Variants in MAPK9 observed in about 807,000 individuals in gnomAD.
The protein encoded by MAPK9 is mitogen-activated protein kinase 9, also known as Jun kinase.
Under a neutral mutation model 57.1 loss-of-function variants are expected in MAPK9, and 30 were observed. The observed-to-expected ratio is 0.53, with a 90% CI of 0.39 to 0.71. The LOEUF is 0.71. MAPK9 is among the 30% of genes least tolerant of loss of function. The pLI is 0.00. For missense variants in MAPK9, 362 were observed against 521.0 expected (o/e 0.69, Z 2.97); for synonymous variants, 155 against 177.0 (o/e 0.88, Z 0.99).
intron 9 of MAPK9, among the ~76,000 whole-genome samples, 197 bp downstream of exon 9, chr5:180,240,834 G>A (rs552504246): frequency 2.6e-5 from 4 of 152,326 alleles, no homozygotes; most frequent in Admixed American, 2.0e-4. Context: ...GTTCATTCCC[G>A]AGGTACTCTG....
intron 1 of MAPK9, among the ~76,000 whole-genome samples, chr5:180,287,789 C>T (rs1408710926): frequency 6.6e-6 from 1 of 152,174 alleles, no homozygotes; most frequent in African/African-American, 2.4e-5. Flanking sequence ...ATTTTTGCCA[C>T]CCTCCCAGTA....
chr5:180,288,430 G>A (rs1762958223), intron 1 of MAPK9, among the ~76,000 whole-genome samples: 1 of 152,164 alleles, frequency 6.6e-6, no homozygotes, highest in Admixed American at 6.5e-5. Context: ...TGGGGCAGCT[G>A]GAAATTTGAA....
In MAPK9 at chr5:180,248,954, C is replaced by G. The variant is rs748315386; in HGVS notation, c.616+19G>C. On this transcript the variant is annotated intron_variant, in intron 6 of 11. Transcript: ENST00000452135. ...AATTTCTAAACATCCCAGCCTCTTCCAGCCCCGGCTATACTCACCGTTCTC... is the reference window on the plus strand; with the variant it reads ...AATTTCTAAACATCCCAGCCTCTTCGAGCCCCGGCTATACTCACCGTTCTC... The G allele has an allele frequency of 4.4e-6, 7 of 1,576,286 alleles. 1 individual carries two copies. In the South Asian group the frequency reaches 8.1e-5, roughly 18 times the overall value.
At chr5:180,238,231 C>T (rs1246898130) in intron 11 of MAPK9, 101 bp downstream of exon 11, 10 of 842,938 alleles carry the variant, frequency 1.2e-5, no homozygotes, top group Non-Finnish European at 1.7e-5. Flanking sequence ...GATCGCGCCG[C>T]TGCTCTCCAG....
chr5:180,269,617 CCA>C lies in MAPK9; in HGVS notation c.123-210_123-209del, dbSNP rs1247965232. ...ACTCCTTTGCAGAGGCACATTTCAGCCACAGTTAAGATGGGGTTCAGCAATCC... is the reference window on the plus strand; with the variant it reads ...ACTCCTTTGCAGAGGCACATTTCAGCCAGTTAAGATGGGGTTCAGCAATCC... On this transcript the variant is annotated intron_variant, in intron 2 of 11. Transcript: ENST00000452135. 2.0e-5 allele frequency among the ~76,000 whole-genome samples: 3 copies of C among 152,174 alleles called. No individual in the cohort carries two copies. The East Asian group carries it at 5.8e-4, about 29-fold the overall frequency.
At chr5:180,257,582 C>T (rs772809631) in intron 5 of MAPK9, 3 of 152,178 alleles carry the variant, frequency 2.0e-5, no homozygotes, top group South Asian at 2.1e-4. Context: ...AGAAAAAATT[C>T]GGGCCAGGAG....
At chr5:180,278,335 T>C (rs1044523854) in intron 2 of MAPK9, among the ~76,000 whole-genome samples, 23 of 152,360 alleles carry the variant, frequency 1.5e-4, no homozygotes, top group Admixed American at 1.1e-3. Flanking sequence ...ATATACACTA[T>C]TCACATTACT....
At chr5:180,284,367 G>A (rs190451189) in intron 1 of MAPK9, among the ~76,000 whole-genome samples, 8 of 152,294 alleles carry the variant, frequency 5.3e-5, no homozygotes, top group African/African-American at 1.2e-4. Context: ...AGCAGCGCCC[G>A]CCAGGCTGCA....
intron 11 of MAPK9, chr5:180,237,849 G>A (rs1249860418): frequency 3.3e-5 from 5 of 152,368 alleles, no homozygotes; most frequent in East Asian, 1.9e-4. Context: ...AAGTTGAATC[G>A]GGAAAGACGC....
At chr5:180,272,424 T>C (rs1185367677) in intron 2 of MAPK9, among the ~76,000 whole-genome samples, 12 of 152,342 alleles carry the variant, frequency 7.9e-5, no homozygotes, top group Middle Eastern at 3.4e-3. Context: ...CCTTTGCTTC[T>C]TTTTTTGTTT....
At chr5:180,241,833 G>A (rs1263974599) in intron 8 of MAPK9, among the ~76,000 whole-genome samples, 1 of 152,204 alleles carries the variant, frequency 6.6e-6, no homozygotes, top group Middle Eastern at 3.2e-3. Context: ...CCAGAGTGTG[G>A]GCATGAGGCA....
intron 2 of MAPK9, among the ~76,000 whole-genome samples, chr5:180,274,046 T>G (rs1158451630): frequency 2.6e-5 from 4 of 152,226 alleles, no homozygotes; most frequent in African/African-American, 9.6e-5. Flanking sequence ...AAAAATGACC[T>G]TCATGGTATT....
At position 180,247,124 on chromosome 5, in the gene MAPK9, CAGAATATACTTATCAA is replaced by C. The variant is rs1196253192; in HGVS notation, c.688+299_688+314del. On this transcript the variant is annotated intron_variant, in intron 7 of 11. Transcript: ENST00000452135. The surrounding 1 kb of genome is among the most constrained non-coding windows in gnomAD (Gnocchi z 4.5). ...TAATACAGTATTTTCATTTAAATAT[CAGAATATACTTATCAA>C]AGAGTAAATAATTTCTTCTATGTGT... is the stretch of plus-strand genomic sequence containing the variant. The C allele has an allele frequency of 8.0e-6, 3 of 374,854 alleles. No homozygotes were observed. Among genetic ancestry groups the C allele is most frequent in the Non-Finnish European group, 1.4e-5 (3 of 210,422 alleles). The allele number at this position is 374,854 out of a possible 1,614,324, so 23.2% of individuals were successfully genotyped here. A position where few individuals can be genotyped will look rare whatever the true frequency, so the allele number is the denominator to read the frequency against.
At chr5:180,284,457 T>A (rs1326733187) in intron 1 of MAPK9, among the ~76,000 whole-genome samples, 1 of 152,240 alleles carries the variant, frequency 6.6e-6, no homozygotes, top group Admixed American at 6.5e-5. Context: ...ACAAGGAGGT[T>A]TCCTGGAGGA....
Position 180,247,426 on chromosome 5 carries a change from C to A in MAPK9, c.688+13G>T. ...AGAAAGCATGGCGGGGCCAAGGTCG[C>A]GGGGAAGGATACGGTCAGTGCCTTG... is the stretch of plus-strand genomic sequence containing the variant. On this transcript the variant is annotated intron_variant, in intron 7 of 11. Transcript: ENST00000452135. The surrounding 1 kb of genome is among the most constrained non-coding windows in gnomAD (Gnocchi z 4.5). The A allele has an allele frequency of 1.9e-6, 3 of 1,614,122 alleles. No individual in the cohort carries two copies. The highest frequency in any genetic ancestry group is 2.5e-6 in the Non-Finnish European group (3 of 1,180,034).
At chr5:180,239,812 C>T (rs959616049) in intron 10 of MAPK9, 112 bp downstream of exon 10, 33 of 972,416 alleles carry the variant, frequency 3.4e-5, no homozygotes, top group East Asian at 7.4e-5. Context: ...CTAAGTGGGT[C>T]GCAGGGTTTC....
intron 2 of MAPK9, among the ~76,000 whole-genome samples, chr5:180,270,457 T>C (rs1761150393): frequency 6.6e-6 from 1 of 152,218 alleles, no homozygotes; most frequent in African/African-American, 2.4e-5. Context: ...ACCATTTATA[T>C]GAATTATAAA....
intron 3 of MAPK9, among the ~76,000 whole-genome samples, chr5:180,265,606 G>GC (rs1171051363): frequency 2.0e-5 from 3 of 152,164 alleles, no homozygotes; most frequent in Admixed American, 6.5e-5. Context: ...CACATCATGC[G>GC]CAACTATGAG....
At chr5:180,289,353 T>C (rs1763036292) in intron 1 of MAPK9, among the ~76,000 whole-genome samples, 1 of 152,064 alleles carries the variant, frequency 6.6e-6, no homozygotes, top group African/African-American at 2.4e-5. Context: ...AAATCAAAGC[T>C]GTCAAAAGAG....
Sources: gnomAD v4.1 joint callset for allele counts (sites outside exome capture counted in the v4.1 genomes callset) on GRCh38, gnomAD v4.1.1 for gene constraint, Gnocchi (gnomAD v3.1) non-coding constraint, MANE v1.5 for transcripts, NCBI Gene and HGNC (gene_info 2026-07-23, HGNC 2026-07-21) for gene names.